XKR9: variants seen among roughly 807,000 people sequenced by gnomAD.
XKR9 encodes the protein XK related 9.
A neutral mutation model predicts 32.0 loss-of-function variants in XKR9; 32 were observed. That is an observed-to-expected ratio of 1.00 (90% confidence interval 0.76 to 1.34). XKR9 has a LOEUF of 1.34. XKR9 is among the 40% of genes most tolerant of loss of function. The pLI is 0.00. For missense variants in XKR9, 546 were observed against 429.7 expected (o/e 1.27, Z -2.39); for synonymous variants, 168 against 143.4 (o/e 1.17, Z -1.22).
At chr8:71,026,796 T>C in the XKR9 span, among the ~76,000 whole-genome samples, 10,102 of 152,282 alleles carry the variant, frequency 0.066, 468 homozygotes, top group Non-Finnish European at 0.093. Flanking sequence ...GCTTGTTCTG[T>C]GTTATGTGAC....
At chr8:71,045,472 C>G in the XKR9 span, among the ~76,000 whole-genome samples, 1 of 152,142 alleles carries the variant, frequency 6.6e-6, no homozygotes, top group Non-Finnish European at 1.5e-5. Context: ...TGTGCCAGAT[C>G]CCAGTGGAGA....
At chr8:70,700,592 A>C (rs962621056) in intron 3 of XKR9, among the ~76,000 whole-genome samples, 6 of 152,030 alleles carry the variant, frequency 3.9e-5, no homozygotes, top group East Asian at 1.9e-4. Flanking sequence ...GTCTGCCCCT[A>C]CTGGGGGTTG....
intron 3 of XKR9, among the ~76,000 whole-genome samples, chr8:70,703,517 A>G (rs1377930487): frequency 6.6e-6 from 1 of 152,134 alleles, no homozygotes; most frequent in Non-Finnish European, 1.5e-5. Context: ...CTCTTTTATA[A>G]GCACACTAAT....
the XKR9 span, among the ~76,000 whole-genome samples, chr8:70,894,428 G>A: frequency 6.4e-4 from 97 of 152,190 alleles, no homozygotes; most frequent in African/African-American, 2.2e-3. Context: ...TGTAGGGTGA[G>A]GTGTCTCAAC....
At chr8:70,967,316 A>G in the XKR9 span, among the ~76,000 whole-genome samples, 9 of 151,898 alleles carry the variant, frequency 5.9e-5, no homozygotes, top group Admixed American at 5.2e-4. Flanking sequence ...TGATTCGCCC[A>G]CCTCGGCCTC....
chr8:71,020,561 T>C, the XKR9 span, among the ~76,000 whole-genome samples: 1 of 152,276 alleles, frequency 6.6e-6, no homozygotes, highest in Admixed American at 6.5e-5. Flanking sequence ...GAACACAACA[T>C]CATCATCATC....
intron 2 of XKR9, chr8:70,678,175 A>T (rs2132105215): frequency 6.6e-6 from 1 of 152,322 alleles, no homozygotes; most frequent in East Asian, 1.9e-4. Context: ...TTAATGTCAC[A>T]GCCCATGATA....
chr8:70,885,322 A>G, the XKR9 span, among the ~76,000 whole-genome samples: 1 of 152,120 alleles, frequency 6.6e-6, no homozygotes, highest in Admixed American at 6.6e-5. Context: ...CAGTGCAATG[A>G]CTTATGGGTT....
At chr8:70,964,508 C>CA in the XKR9 span, among the ~76,000 whole-genome samples, 7 of 152,130 alleles carry the variant, frequency 4.6e-5, no homozygotes, top group Non-Finnish European at 8.8e-5. Context: ...TGAAGAATAT[C>CA]AATGGTAGTT....
chr8:70,985,011 A>G, the XKR9 span, among the ~76,000 whole-genome samples: 1 of 152,222 alleles, frequency 6.6e-6, no homozygotes, highest in Non-Finnish European at 1.5e-5. Context: ...ATTGCTAAGA[A>G]GGTATAACTA....
chr8:71,011,734 A>G, the XKR9 span, among the ~76,000 whole-genome samples: 2 of 152,238 alleles, frequency 1.3e-5, no homozygotes, highest in East Asian at 3.8e-4. Flanking sequence ...TAACTTGGTC[A>G]GCATGCCTCA....
the XKR9 span, among the ~76,000 whole-genome samples, chr8:70,896,814 T>C: frequency 6.6e-6 from 1 of 152,110 alleles, no homozygotes; most frequent in African/African-American, 2.4e-5. Context: ...ATACAATGTG[T>C]AATAATCACA....
intron 2 of XKR9, among the ~76,000 whole-genome samples, chr8:70,752,485 C>T (rs951411029): frequency 2.6e-5 from 4 of 152,090 alleles, no homozygotes; most frequent in Non-Finnish European, 4.4e-5. Flanking sequence ...GAGAGGCAGC[C>T]TCACTTTACA....
chr8:70,931,267 G>A, the XKR9 span, among the ~76,000 whole-genome samples: 2 of 152,102 alleles, frequency 1.3e-5, no homozygotes, highest in African/African-American at 4.8e-5. Context: ...AGCTCCAACA[G>A]GTATGGAATC....
At chr8:70,729,016 C>G (rs1387714070) in intron 4 of XKR9, among the ~76,000 whole-genome samples, 1 of 152,122 alleles carries the variant, frequency 6.6e-6, no homozygotes, top group Non-Finnish European at 1.5e-5. Context: ...GATCAGGAAC[C>G]TTGTACAGGG....
the XKR9 span, among the ~76,000 whole-genome samples, chr8:71,007,357 C>A: frequency 1.3e-5 from 2 of 152,132 alleles, no homozygotes; most frequent in Non-Finnish European, 2.9e-5. Flanking sequence ...GTGGGATGAG[C>A]CCCCTGTCAT....
chr8:70,882,421 G>A, the XKR9 span, among the ~76,000 whole-genome samples: 8 of 151,394 alleles, frequency 5.3e-5, no homozygotes, highest in East Asian at 1.9e-4. Flanking sequence ...TTTCAAATGC[G>A]TATACTTTAT....
chr8:70,847,299 A>G, the XKR9 span, among the ~76,000 whole-genome samples: 1 of 152,020 alleles, frequency 6.6e-6, no homozygotes, highest in Admixed American at 6.6e-5. Context: ...AACAAATGAA[A>G]ATGGAAACAC....
intron 2 of XKR9, among the ~76,000 whole-genome samples, chr8:70,781,244 C>G (rs898960343): frequency 2.6e-5 from 4 of 152,018 alleles, no homozygotes; most frequent in Non-Finnish European, 5.9e-5. Flanking sequence ...CTATTAAAAT[C>G]TGTTATCCAT....
Sources: allele counts gnomAD v4.1 joint callset (sites outside exome capture counted in the v4.1 genomes callset), GRCh38; gene constraint gnomAD v4.1.1; transcripts MANE v1.5; gene names NCBI Gene and HGNC (gene_info 2026-07-23, HGNC 2026-07-21).